The following SATB2 variants were observed in gnomAD, a reference collection of about 807,000 sequenced individuals.
The protein encoded by SATB2 is SATB homeobox 2.
SATB2 carries 1 observed loss-of-function variant against 73.4 expected under a neutral mutation model. The ratio of observed to expected loss-of-function variants is 0.01; its 90% CI spans 0.00 to 0.06. The LOEUF (loss-of-function observed/expected upper bound fraction) is 0.06, where lower values mean the gene tolerates loss of function less well. SATB2 is among the 10% of genes least tolerant of loss of function. The pLI, the probability that SATB2 is intolerant of heterozygous loss-of-function variation, is 1.00. For missense variants in SATB2, 459 were observed against 945.8 expected (o/e 0.49, Z 6.75); for synonymous variants, 397 against 367.0 (o/e 1.08, Z -0.93).
At chr2:199,432,177 T>C (rs1425491031) in intron 3 of SATB2, among the ~76,000 whole-genome samples, 1 of 152,218 alleles carries the variant, frequency 6.6e-6, no homozygotes. Flanking sequence ...CAATAACTAG[T>C]AGGGTACTAC....
At chr2:199,352,430 A>T (rs1688845616) in intron 6 of SATB2, among the ~76,000 whole-genome samples, 2 of 152,182 alleles carry the variant, frequency 1.3e-5, no homozygotes, top group South Asian at 4.1e-4. Context: ...TGGTGCAGTA[A>T]GAGTCTGAAT....
chr2:199,312,743 T>C (rs192337348), intron 9 of SATB2, among the ~76,000 whole-genome samples: 6 of 152,130 alleles, frequency 3.9e-5, no homozygotes, highest in Admixed American at 1.3e-4. Context: ...GTGGTCAAGG[T>C]CAAATAACTA....
chr2:199,429,121 C>A (rs1417465328), intron 3 of SATB2, among the ~76,000 whole-genome samples: 1 of 151,708 alleles, frequency 6.6e-6, no homozygotes, highest in African/African-American at 2.4e-5. Flanking sequence ...TAATCTTCCA[C>A]TGAAAAAACA....
intron 3 of SATB2, among the ~76,000 whole-genome samples, chr2:199,427,512 G>A (rs954935920): frequency 7.2e-5 from 11 of 151,944 alleles, no homozygotes; most frequent in South Asian, 2.1e-4. Flanking sequence ...TGTGGTTTAT[G>A]TTTTCTAAGA....
chr2:199,455,790 C>T lies in SATB2; in HGVS notation c.169+79G>A. 6.8e-7 allele frequency: 1 copy of T among 1,469,374 alleles called. No individual in the cohort carries two copies. The highest frequency in any genetic ancestry group is 9.2e-7 in the Non-Finnish European group (1 of 1,088,178). 91.0% of individuals were successfully genotyped at this position (1,469,374 alleles called of 1,614,324 possible). A position where few individuals can be genotyped will look rare whatever the true frequency, so the allele number is the denominator to read the frequency against. ...CCTGTAATCCTACACCGCGACAGCG[C>T]CTAATCAACCTGAACCCTGACACCC... On this transcript the variant is annotated intron_variant, in intron 2 of 10. Transcript: ENST00000417098. This position sits in a 1 kb window ranked among gnomAD's most constrained non-coding sequence, Gnocchi z 4.1.
chr2:199,458,292 G>C (rs1284201291), upstream of SATB2: 8 of 242,928 alleles, frequency 3.3e-5, no homozygotes, highest in Non-Finnish European at 6.6e-5. Context: ...CTGTGAGCAC[G>C]GCGACCCAAC....
At chr2:199,280,349 ATTGT>A (rs1399429874) in intron 10 of SATB2, among the ~76,000 whole-genome samples, 16 of 152,120 alleles carry the variant, frequency 1.1e-4, no homozygotes, top group South Asian at 1.0e-3. Flanking sequence ...AACTGCACAA[ATTGT>A]TTGTAGAGCA....
At chr2:199,415,828 T>C (rs892266299) in intron 3 of SATB2, among the ~76,000 whole-genome samples, 1 of 152,164 alleles carries the variant, frequency 6.6e-6, no homozygotes, top group African/African-American at 2.4e-5. Context: ...TTTCCTGGCA[T>C]GATGCTCCAC....
At chr2:199,280,084 T>C (rs554237501) in intron 10 of SATB2, among the ~76,000 whole-genome samples, 2 of 152,344 alleles carry the variant, frequency 1.3e-5, no homozygotes, top group South Asian at 2.1e-4. Context: ...GCTGAAGCCA[T>C]GGCAGAAGAA....
chr2:199,359,669 C>T (rs1689082908), intron 6 of SATB2, among the ~76,000 whole-genome samples: 1 of 152,176 alleles, frequency 6.6e-6, no homozygotes, highest in Non-Finnish European at 1.5e-5. Context: ...CTCATGCTCA[C>T]AGGACTCTGG....
chr2:199,435,009 TAAAG>T (rs963572664), intron 2 of SATB2, among the ~76,000 whole-genome samples: 5 of 152,168 alleles, frequency 3.3e-5, no homozygotes, highest in African/African-American at 9.7e-5. Flanking sequence ...TTGTTATCAT[TAAAG>T]ATCATGGTAA....
At chr2:199,345,787 T>C (rs1294860613) in intron 7 of SATB2, among the ~76,000 whole-genome samples, 1 of 152,178 alleles carries the variant, frequency 6.6e-6, no homozygotes. Flanking sequence ...CAAACCTCCA[T>C]AAGACCTAAT....
chr2:199,304,333 G>T (rs1304950873), intron 10 of SATB2, among the ~76,000 whole-genome samples: 1 of 152,168 alleles, frequency 6.6e-6, no homozygotes, highest in Non-Finnish European at 1.5e-5. Context: ...ACCTTTCGGG[G>T]TGAAAAATGG....
chr2:199,302,939 C>A (rs373695242), intron 10 of SATB2, among the ~76,000 whole-genome samples: 29 of 152,296 alleles, frequency 1.9e-4, no homozygotes, highest in African/African-American at 6.0e-4. Flanking sequence ...CACATCAGTT[C>A]TTTGACATCA....
chr2:199,380,330 T>G (rs1689732271), intron 5 of SATB2, 34 bp downstream of exon 5: 8 of 1,613,776 alleles, frequency 5.0e-6, no homozygotes, highest in Middle Eastern at 1.7e-4. Flanking sequence ...AATGGCTTCT[T>G]CTGTTTCCCA....
chr2:199,284,480 T>C (rs1047073240), intron 10 of SATB2, among the ~76,000 whole-genome samples: 23 of 152,288 alleles, frequency 1.5e-4, no homozygotes, highest in Non-Finnish European at 1.8e-4. Flanking sequence ...GATTAAAATA[T>C]TTTTTCCTAT....
At chr2:199,337,254 C>T (rs1036771207) in intron 7 of SATB2, among the ~76,000 whole-genome samples, 1 of 151,986 alleles carries the variant, frequency 6.6e-6, no homozygotes, top group African/African-American at 2.4e-5. Flanking sequence ...GCAAAATGAC[C>T]ACATGAATAT....
At chr2:199,417,879 T>C (rs1001002076) in intron 3 of SATB2, among the ~76,000 whole-genome samples, 1 of 152,166 alleles carries the variant, frequency 6.6e-6, no homozygotes, top group African/African-American at 2.4e-5. Context: ...TGGAATAGGA[T>C]ATTGTCAATT....
At chr2:199,407,977 T>C (rs982073519) in intron 3 of SATB2, among the ~76,000 whole-genome samples, 1 of 152,180 alleles carries the variant, frequency 6.6e-6, no homozygotes, top group African/African-American at 2.4e-5. Flanking sequence ...TCCCAAACCA[T>C]GATCCTGTCC....
Sources: gnomAD v4.1 joint callset for allele counts (sites outside exome capture counted in the v4.1 genomes callset) on GRCh38, gnomAD v4.1.1 for gene constraint, Gnocchi (gnomAD v3.1) non-coding constraint, MANE v1.5 for transcripts, NCBI Gene and HGNC (gene_info 2026-07-23, HGNC 2026-07-21) for gene names.